GRM1: variants seen among roughly 807,000 people sequenced by gnomAD.
The protein encoded by GRM1 is metabotropic glutamate receptor 1.
In GRM1, 33 loss-of-function variants were observed where a neutral mutation model predicts 90.9. The observed-to-expected ratio is 0.36, with a 90% confidence interval of 0.28 to 0.49. The LOEUF is 0.49. GRM1 is among the 20% of genes least tolerant of loss of function. The pLI is 0.99. For synonymous variants in GRM1, 700 were observed against 613.2 expected (o/e 1.14, Z -2.09); for missense variants, 1,190 against 1,534.3 (o/e 0.78, Z 3.75).
At chr6:146,034,516 G>T (rs1790814945) in intron 1 of GRM1, among the ~76,000 whole-genome samples, 2 of 151,862 alleles carry the variant, frequency 1.3e-5, no homozygotes, top group Admixed American at 6.6e-5. Context: ...TCAAGAGGAG[G>T]ACTTGAATTT....
chr6:146,081,431 G>A (rs1317749069), intron 1 of GRM1, among the ~76,000 whole-genome samples: 1 of 152,108 alleles, frequency 6.6e-6, no homozygotes, highest in East Asian at 1.9e-4. Flanking sequence ...TAATAGCTAG[G>A]GGCCCACCTC....
intron 1 of GRM1, among the ~76,000 whole-genome samples, chr6:146,102,726 G>A (rs1430153097): frequency 6.6e-6 from 1 of 152,014 alleles, no homozygotes; most frequent in African/African-American, 2.4e-5. Context: ...AATTCTTTCA[G>A]TTTAGCAGCT....
At chr6:146,415,747 T>A (rs972509770) in intron 7 of GRM1, among the ~76,000 whole-genome samples, 3 of 152,216 alleles carry the variant, frequency 2.0e-5, no homozygotes, top group African/African-American at 7.2e-5. Flanking sequence ...TCTCTAGGTT[T>A]TGCAGAGATG....
Position 146,213,313 on chromosome 6 carries a change from G to GT in GRM1, c.950+53717dup, listed in dbSNP as rs1487618076. On this transcript the variant is annotated intron_variant, in intron 2 of 7. Transcript: ENST00000282753. ...CAGAGATGAGATTGGGTGGGGGGCG[G>GT]TAAGTAAAGGCCAGATATTAGAAGA... 8.5e-5 allele frequency among the ~76,000 whole-genome samples: 13 copies of GT among 152,190 alleles called. No homozygotes were observed. In the East Asian group the frequency reaches 2.5e-3, roughly 29 times the overall value.
intron 2 of GRM1, among the ~76,000 whole-genome samples, chr6:146,179,595 G>C (rs570673151): frequency 6.6e-6 from 1 of 152,146 alleles, no homozygotes; most frequent in South Asian, 2.1e-4. Context: ...CTCACTGCAA[G>C]CTCCGTCTCC....
rs1259153450 is a variant in GRM1 at position 146,307,358 on chromosome 6, TA to T, written c.1186+2514del. Among the ~76,000 whole-genome samples, 6 of 152,184 alleles carry T rather than the reference TA, an allele frequency of 3.9e-5. No individual in the cohort carries two copies. In the East Asian group the frequency reaches 1.2e-3, roughly 29 times the overall value. On this transcript the variant is annotated intron_variant, in intron 3 of 7. Coordinates refer to ENST00000282753, the MANE Select transcript of GRM1 (RefSeq NM_001278064.2). ...GTCTAAGGAAGGCAGGAGGTTTATT[TA>T]ACTTTTCTATTTGAATTAATTCATA...
chr6:146,372,956 T>C (rs537658310), intron 5 of GRM1, among the ~76,000 whole-genome samples: 1 of 152,266 alleles, frequency 6.6e-6, no homozygotes, highest in African/African-American at 2.4e-5. Flanking sequence ...TGGGTTTTTG[T>C]GGTTCTATAC....
In GRM1 at chr6:146,316,093, G is replaced by C. The variant is rs975405922; in HGVS notation, c.1186+11247G>C. On this transcript the variant is annotated intron_variant, in intron 3 of 7. Coordinates refer to ENST00000282753, the MANE Select transcript of GRM1 (RefSeq NM_001278064.2). ...CGTAACCTCTAAGACCCTGACAAGA[G>C]TCTCCCTGGGGTAACATTAGAGGGT... Among the ~76,000 whole-genome samples, 3 of 152,156 alleles carry C rather than the reference G, an allele frequency of 2.0e-5. No individual in the cohort carries two copies. The East Asian group carries it at 5.8e-4, about 29-fold the overall frequency.
chr6:146,036,708 C>G (rs1790903755), intron 1 of GRM1, among the ~76,000 whole-genome samples: 1 of 151,782 alleles, frequency 6.6e-6, no homozygotes, highest in South Asian at 2.1e-4. Flanking sequence ...ATTTCATAGC[C>G]AACAAATTAA....
At chr6:146,275,031 A>G (rs1782303389) in intron 2 of GRM1, among the ~76,000 whole-genome samples, 1 of 152,122 alleles carries the variant, frequency 6.6e-6, no homozygotes, top group Non-Finnish European at 1.5e-5. Flanking sequence ...CTCTGTATCC[A>G]AAAAAAGAAA....
intron 2 of GRM1, among the ~76,000 whole-genome samples, chr6:146,282,462 CAAA>C (rs1782604247): frequency 6.6e-6 from 1 of 150,706 alleles, no homozygotes; most frequent in Non-Finnish European, 1.5e-5. Context: ...AGCAGCCACT[CAAA>C]AAATATTTGT....
intron 1 of GRM1, among the ~76,000 whole-genome samples, chr6:146,096,642 A>G (rs1380582957): frequency 3.9e-5 from 6 of 152,170 alleles, no homozygotes; most frequent in Admixed American, 3.9e-4. Context: ...TGTATCACCC[A>G]TGACCAGGCA....
At chr6:146,411,163 C>T (rs1023562278) in intron 7 of GRM1, among the ~76,000 whole-genome samples, 6 of 151,972 alleles carry the variant, frequency 3.9e-5, no homozygotes, top group Admixed American at 6.6e-5. Flanking sequence ...ATGAGAAGTA[C>T]GGGTGTTATG....
rs140312490 is a variant in GRM1 at position 146,337,867 on chromosome 6, A to G, written c.1187-14383A>G. ...TTACTTCCCCTAGTAACTAAAGAAA[A>G]CAAAAAGAATAATTTTGCACTTGTC... On this transcript the variant is annotated intron_variant, in intron 3 of 7. Transcript: ENST00000282753. 7.8e-3 allele frequency among the ~76,000 whole-genome samples: 1,184 copies of G among 152,348 alleles called. 16 individuals are homozygous for G. The highest frequency in any genetic ancestry group is 0.027 in the African/African-American group (1,134 of 41,578).
chr6:146,181,518 A>G (rs547131396), intron 2 of GRM1, among the ~76,000 whole-genome samples: 129 of 152,332 alleles, frequency 8.5e-4, no homozygotes, highest in African/African-American at 2.9e-3. Context: ...TCACTCTGCC[A>G]TGATTACTGT....
chr6:146,266,733 C>T (rs777261123), intron 2 of GRM1, among the ~76,000 whole-genome samples: 2 of 152,252 alleles, frequency 1.3e-5, no homozygotes, highest in Non-Finnish European at 2.9e-5. Flanking sequence ...CCATTCACCG[C>T]GTGCTAACGA....
chr6:146,401,970 C>A (rs147752891), intron 7 of GRM1, among the ~76,000 whole-genome samples: 3 of 152,126 alleles, frequency 2.0e-5, no homozygotes, highest in African/African-American at 7.2e-5. Context: ...ATTACCTTCC[C>A]ACACCTGGAA....
At chr6:146,136,932 AATT>A (rs932273952) in intron 1 of GRM1, among the ~76,000 whole-genome samples, 1 of 140,174 alleles carries the variant, frequency 7.1e-6, no homozygotes, top group Non-Finnish European at 1.5e-5. Flanking sequence ...AGCTCGCTGC[AATT>A]ATTGCCTCCT....
intron 1 of GRM1, 59 bp from the exon 2 acceptor site, chr6:146,159,289 T>G: frequency 6.2e-7 from 1 of 1,606,792 alleles, no homozygotes; most frequent in Non-Finnish European, 8.5e-7. Flanking sequence ...GTTATTCCAT[T>G]GTGTAAGTAG....
Sources: allele counts gnomAD v4.1 joint callset (sites outside exome capture counted in the v4.1 genomes callset), GRCh38; gene constraint gnomAD v4.1.1; transcripts MANE v1.5; gene names NCBI Gene and HGNC (gene_info 2026-07-23, HGNC 2026-07-21).